RAB27A: variants seen among roughly 807,000 people sequenced by gnomAD.
RAB27A encodes the protein RAB27A, member RAS oncogene family.
Under a neutral mutation model 20.8 loss-of-function variants are expected in RAB27A, and 17 were observed. The observed-to-expected ratio is 0.82, with a 90% CI of 0.56 to 1.23. The LOEUF (loss-of-function observed/expected upper bound fraction) is 1.23, where lower values mean the gene tolerates loss of function less well. Among genes scored for constraint, RAB27A ranks in the 50% most tolerant of loss-of-function variants. RAB27A has a pLI of 0.00. For missense variants in RAB27A, 277 were observed against 266.7 expected (o/e 1.04, Z -0.27); for synonymous variants, 85 against 92.8 (o/e 0.92, Z 0.48).
chr15:55,210,425 T>TTG (rs1205102998), intron 6 of RAB27A, among the ~76,000 whole-genome samples: 1 of 144,668 alleles, frequency 6.9e-6, no homozygotes, highest in African/African-American at 2.7e-5. Flanking sequence ...TTTTTTTTTT[T>TTG]GAGGGGGGGG....
chr15:55,273,573 G>GGAA (rs1897769222), intron 1 of RAB27A, among the ~76,000 whole-genome samples: 1 of 152,004 alleles, frequency 6.6e-6, no homozygotes, highest in Non-Finnish European at 1.5e-5. Flanking sequence ...TCATGCAAAT[G>GGAA]GAAACCAAAA....
intron 2 of RAB27A, among the ~76,000 whole-genome samples, chr15:55,261,260 G>A (rs567525841): frequency 2.6e-5 from 4 of 151,626 alleles, no homozygotes; most frequent in African/African-American, 7.3e-5. Context: ...AGCCAGGCGC[G>A]GTGGCAGGCA....
chr15:55,275,192 C>T (rs1897829692), intron 1 of RAB27A, among the ~76,000 whole-genome samples: 1 of 151,258 alleles, frequency 6.6e-6, no homozygotes, highest in African/African-American at 2.4e-5. Flanking sequence ...GCAGAGGTTG[C>T]AGTGAGTCGA....
chr15:55,265,443 G>C (rs921050710), intron 2 of RAB27A, among the ~76,000 whole-genome samples: 1 of 152,146 alleles, frequency 6.6e-6, no homozygotes, highest in African/African-American at 2.4e-5. Context: ...ATAAGGACAA[G>C]TGACAGATGT....
intron 6 of RAB27A, among the ~76,000 whole-genome samples, chr15:55,213,409 C>T (rs1256429582): frequency 1.3e-5 from 2 of 152,160 alleles, no homozygotes; most frequent in African/African-American, 2.4e-5. Context: ...AATGCTTTTA[C>T]AGATCTTTTC....
intron 2 of RAB27A, among the ~76,000 whole-genome samples, chr15:55,240,729 A>G (rs1287630665): frequency 6.6e-6 from 1 of 152,166 alleles, no homozygotes; most frequent in Non-Finnish European, 1.5e-5. Context: ...CCTCACCTGT[A>G]AAACAGGAAG....
rs563515643 is a variant in RAB27A, at chr15:55,226,469, C to T, written c.343+2140G>A. Among the ~76,000 whole-genome samples the T allele has an allele frequency of 2.6e-5, 4 of 152,126 alleles. No homozygotes were observed. In the East Asian group the frequency reaches 7.7e-4, roughly 29 times the overall value. On this transcript the variant is annotated intron_variant, in intron 5 of 6. Coordinates refer to ENST00000336787, the MANE Select transcript of RAB27A (RefSeq NM_183235.3). Reference sequence around the variant, plus strand: ...CCACGAGTCAGCTACTTCTTTAATGCAACACTGTGTTCTGGCACTCACCAC... The same window carrying T: ...CCACGAGTCAGCTACTTCTTTAATGTAACACTGTGTTCTGGCACTCACCAC...
chr15:55,294,589 G>GAAAAAAAAAAAAAAAAAAAAAAAAA (rs1181179911), upstream of RAB27A, among the ~76,000 whole-genome samples: 2 of 29,182 alleles, frequency 6.9e-5, no homozygotes, highest in African/African-American at 1.2e-4. Flanking sequence ...CCCTGTCTCC[G>GAAAAAAAAAAAAAAAAAAAAAAAAA]AAAAAAAAAA....
At chr15:55,271,558 G>T (rs1897705928) in intron 1 of RAB27A, among the ~76,000 whole-genome samples, 1 of 152,186 alleles carries the variant, frequency 6.6e-6, no homozygotes, top group Non-Finnish European at 1.5e-5. Flanking sequence ...TGCTGAGCTG[G>T]ATACACCTTC....
At chr15:55,296,527 C>A (rs775680860) in intron 2 of RAB27A, among the ~76,000 whole-genome samples, 5 of 151,808 alleles carry the variant, frequency 3.3e-5, no homozygotes, top group African/African-American at 4.8e-5. Context: ...CAAAGAAAAA[C>A]AAAACTTGGT....
At chr15:55,213,519 C>G (rs1435433355) in intron 6 of RAB27A, among the ~76,000 whole-genome samples, 1 of 152,198 alleles carries the variant, frequency 6.6e-6, no homozygotes, top group African/African-American at 2.4e-5. Flanking sequence ...CTGTTAGCAA[C>G]CAGGCCACAC....
At chr15:55,303,723 G>A (rs1468604329) in intron 2 of RAB27A, among the ~76,000 whole-genome samples, 4 of 132,024 alleles carry the variant, frequency 3.0e-5, no homozygotes, top group African/African-American at 6.0e-5. Context: ...ACCTCTGCCC[G>A]GCCACCCCTA....
rs193147862 is a variant in RAB27A, at chr15:55,281,360, C to T, written c.-143+8356G>A. Among the ~76,000 whole-genome samples the T allele has an allele frequency of 1.6e-4, 24 of 152,326 alleles. 1 individual carries two copies. The highest frequency in any genetic ancestry group is 1.4e-3 in the Admixed American group (22 of 15,304). ...CTGTCCTCAAAAAAAGGAATCTACTCTGCTTAGCAGTTCCATTTCTCATAT... is the reference window on the plus strand; with the variant it reads ...CTGTCCTCAAAAAAAGGAATCTACTTTGCTTAGCAGTTCCATTTCTCATAT... On this transcript the variant is annotated intron_variant, in intron 1 of 6. Transcript: ENST00000336787.
intron 6 of RAB27A, among the ~76,000 whole-genome samples, chr15:55,214,095 G>C (rs1051467056): frequency 1.3e-5 from 2 of 152,158 alleles, no homozygotes; most frequent in East Asian, 1.9e-4. Flanking sequence ...GAGGTGATAA[G>C]GCCTTGCAAC....
intron 2 of RAB27A, among the ~76,000 whole-genome samples, chr15:55,297,900 T>C (rs2054956040): frequency 6.6e-6 from 1 of 152,020 alleles, no homozygotes. Context: ...CAGGCCAGCA[T>C]TCTTAAAAAA....
intron 2 of RAB27A, among the ~76,000 whole-genome samples, chr15:55,311,992 G>A (rs1302885886): frequency 6.6e-6 from 1 of 152,230 alleles, no homozygotes; most frequent in African/African-American, 2.4e-5. Context: ...TCCAAGGAAT[G>A]GAATCTTGGG....
intron 6 of RAB27A, among the ~76,000 whole-genome samples, chr15:55,219,688 C>T (rs148897180): frequency 1.3e-5 from 2 of 152,296 alleles, no homozygotes; most frequent in African/African-American, 4.8e-5. Flanking sequence ...TCACTGACTT[C>T]GTAGCTATCT....
chr15:55,318,870 T>G (rs1292453144), intron 1 of RAB27A: 3 of 177,354 alleles, frequency 1.7e-5, no homozygotes, highest in Non-Finnish European at 3.6e-5. Context: ...GAACCTGAAA[T>G]GTTAACACCA....
intron 1 of RAB27A, among the ~76,000 whole-genome samples, chr15:55,318,216 G>C (rs1368486518): frequency 6.7e-6 from 1 of 150,340 alleles, no homozygotes. Flanking sequence ...TCCTACCTCA[G>C]CCTCCCGAGA....
Sources: allele counts gnomAD v4.1 joint callset (sites outside exome capture counted in the v4.1 genomes callset), GRCh38; gene constraint gnomAD v4.1.1; transcripts MANE v1.5; gene names NCBI Gene and HGNC (gene_info 2026-07-23, HGNC 2026-07-21).